EMID1: variants seen among roughly 807,000 people sequenced by gnomAD.
EMID1 encodes EMI domain containing 1, also known as EMI domain-containing protein 1.
EMID1 carries 40 observed loss-of-function variants against 60.6 expected under a neutral mutation model. The observed-to-expected ratio is 0.66, with a 90% CI of 0.51 to 0.86. The LOEUF is 0.86. Ranked by LOEUF, EMID1 falls within the 40% of genes least tolerant of loss-of-function variation. EMID1 has a pLI of 0.00. For missense variants in EMID1, 585 were observed against 597.1 expected, an observed-to-expected ratio of 0.98 and a Z score of 0.21; for synonymous variants, 242 against 231.0, an observed-to-expected ratio of 1.05 and a Z score of -0.43.
chr22:29,208,987 G>A (rs971167875), intron 1 of EMID1, among the ~76,000 whole-genome samples: 1 of 152,242 alleles, frequency 6.6e-6, no homozygotes, highest in Non-Finnish European at 1.5e-5. Flanking sequence ...GGTCACCGAT[G>A]TAGGAAGCAG....
intron 5 of EMID1, among the ~76,000 whole-genome samples, chr22:29,228,523 C>T (rs1328883564): frequency 6.6e-5 from 10 of 152,192 alleles, no homozygotes; most frequent in Admixed American, 3.9e-4. Context: ...GACATGCATA[C>T]ACTTTAGTGC....
chr22:29,211,422 G>T (rs1213355167), intron 1 of EMID1, among the ~76,000 whole-genome samples: 2 of 152,134 alleles, frequency 1.3e-5, no homozygotes, highest in Non-Finnish European at 2.9e-5. Flanking sequence ...TCCATGCGTT[G>T]TGTGTACATA....
At chr22:29,253,090 T>G (rs2041583491) in intron 13 of EMID1, among the ~76,000 whole-genome samples, 1 of 152,256 alleles carries the variant, frequency 6.6e-6, no homozygotes, top group Non-Finnish European at 1.5e-5. Flanking sequence ...AGGCTTTCAG[T>G]ACATTCCTCA....
At chr22:29,212,298 T>C (rs1177131651) in intron 1 of EMID1, among the ~76,000 whole-genome samples, 1 of 151,888 alleles carries the variant, frequency 6.6e-6, no homozygotes, top group Non-Finnish European at 1.5e-5. Context: ...TTTTTTTTAA[T>C]TAAAAAAAAT....
intron 1 of EMID1, among the ~76,000 whole-genome samples, chr22:29,207,273 G>A (rs899663891): frequency 2.0e-5 from 3 of 152,234 alleles, no homozygotes; most frequent in Non-Finnish European, 4.4e-5. Context: ...TGTGGCAGAT[G>A]TTACAGCCAC....
intron 13 of EMID1, among the ~76,000 whole-genome samples, chr22:29,248,387 G>A (rs1162358716): frequency 6.7e-6 from 1 of 150,298 alleles, no homozygotes; most frequent in Non-Finnish European, 1.5e-5. Context: ...TCCACCTCTT[G>A]TCCCACTGGA....
chr22:29,249,714 A>G (rs938038879), intron 13 of EMID1, among the ~76,000 whole-genome samples: 1 of 151,840 alleles, frequency 6.6e-6, no homozygotes, highest in Non-Finnish European at 1.5e-5. Flanking sequence ...TCCTGGGTTT[A>G]AGCGATTCTT....
At chr22:29,231,812 AC>A in intron 7 of EMID1, 130 bp downstream of exon 7, 2 of 883,162 alleles carry the variant, frequency 2.3e-6, no homozygotes, top group Non-Finnish European at 3.3e-6. Context: ...TCAGCACCCC[AC>A]CACGGAGTGC....
At chr22:29,226,366 C>A (rs2040508960) in intron 4 of EMID1, 124 bp from the exon 5 acceptor site, 2 of 1,047,180 alleles carry the variant, frequency 1.9e-6, no homozygotes, top group African/African-American at 1.6e-5. Flanking sequence ...AGCCTAAGGT[C>A]CCTCGTGGGT....
At chr22:29,233,291 G>A in intron 8 of EMID1, 88 bp from the exon 9 acceptor site, 1 of 1,455,222 alleles carries the variant, frequency 6.9e-7, no homozygotes, top group Non-Finnish European at 9.6e-7. Context: ...CCATAGGGCA[G>A]TCCAAGCTGT....
At chr22:29,228,304 C>T (rs532662202) in intron 5 of EMID1, among the ~76,000 whole-genome samples, 17 of 151,468 alleles carry the variant, frequency 1.1e-4, no homozygotes, top group South Asian at 2.1e-4. Context: ...CCACCCTGGA[C>T]GACAGAGCGA....
intron 12 of EMID1, 88 bp from the exon 13 acceptor site, chr22:29,243,357 T>A: frequency 7.4e-7 from 1 of 1,349,480 alleles, no homozygotes; most frequent in Non-Finnish European, 1.0e-6. Context: ...TCTCTCCCTT[T>A]CCCCGCTCTT....
chr22:29,215,233 G>A, intron 2 of EMID1, 194 bp downstream of exon 2: 2 of 985,430 alleles, frequency 2.0e-6, no homozygotes, highest in Non-Finnish European at 2.4e-6. Flanking sequence ...GCTTCCTGAG[G>A]GATGGATACA....
intron 13 of EMID1, among the ~76,000 whole-genome samples, chr22:29,249,275 G>C (rs6006082): frequency 0.58 from 87,871 of 151,302 alleles, 25,743 homozygotes; most frequent in Middle Eastern, 0.66. Context: ...CTCTGTCACC[G>C]AGGCTGGAGC....
Position 29,215,605 on chromosome 22 carries a change from G to T in EMID1, c.294G>T (p.Gly98=). 6.2e-7 allele frequency: 1 copy of T among 1,614,086 alleles called. No individual in the cohort carries two copies. ...VTAREWRCCP[G]HSGVSCEEVA... is the part of the protein sequence containing the mutation. The stretch of plus-strand genomic sequence containing the variant: ...CCCGTGAGTGGAGGTGCTGCCCTGG[G>T]CACTCAGGAGTGAGCTGCGAGGAAG... Residue 98 remains glycine, a synonymous_variant, in exon 3 of 15, where the codon GGG becomes GGT. Coordinates refer to ENST00000334018, the MANE Select transcript of EMID1 (RefSeq NM_133455.4).
intron 6 of EMID1, chr22:29,231,359 C>T: frequency 2.4e-6 from 2 of 845,868 alleles, no homozygotes; most frequent in Non-Finnish European, 1.9e-6. Flanking sequence ...GCAGACCCTG[C>T]CTGGAGGTCG....
intron 14 of EMID1, chr22:29,254,591 G>A: frequency 3.1e-6 from 1 of 320,292 alleles, no homozygotes. Flanking sequence ...TTTTAAGTTT[G>A]GAAGAAATTA....
chr22:29,237,040 C>T (rs140835934), intron 12 of EMID1, among the ~76,000 whole-genome samples: 217 of 151,956 alleles, frequency 1.4e-3, no homozygotes, highest in African/African-American at 4.6e-3. Flanking sequence ...TGTGATCTAC[C>T]GGCCTTGGCC....
At chr22:29,225,816 G>A (rs2040486282) in intron 4 of EMID1, among the ~76,000 whole-genome samples, 1 of 152,236 alleles carries the variant, frequency 6.6e-6, no homozygotes, top group African/African-American at 2.4e-5. Context: ...ATAGCACTTG[G>A]CTGGGCCAGC....
Sources: allele counts gnomAD v4.1 joint callset (sites outside exome capture counted in the v4.1 genomes callset), GRCh38; gene constraint gnomAD v4.1.1; transcripts MANE v1.5; gene names NCBI Gene and HGNC (gene_info 2026-07-23, HGNC 2026-07-21).